The following PLXNA4 variants were observed in gnomAD, a reference collection of about 807,000 sequenced individuals.
The protein encoded by PLXNA4 is plexin A4, also known as plexin-A4.
In PLXNA4, 44 loss-of-function variants were observed where a neutral mutation model predicts 191.8. The observed-to-expected ratio is 0.23, with a 90% CI of 0.18 to 0.29. The LOEUF is 0.29. Among genes scored for constraint, PLXNA4 ranks in the 10% least tolerant of loss-of-function variants. PLXNA4 has a pLI of 1.00. For missense variants in PLXNA4, 1,800 were observed against 2,488.8 expected, an observed-to-expected ratio of 0.72 and a Z score of 5.89; for synonymous variants, 1,082 against 1,009.5, an observed-to-expected ratio of 1.07 and a Z score of -1.36.
intron 3 of PLXNA4, among the ~76,000 whole-genome samples, chr7:132,467,696 C>G (rs1418582514): frequency 6.6e-6 from 1 of 152,192 alleles, no homozygotes; most frequent in African/African-American, 2.4e-5. Flanking sequence ...AGACTCCCAG[C>G]CTATTCCCAT....
intron 2 of PLXNA4, among the ~76,000 whole-genome samples, chr7:132,643,737 A>G (rs1803798751): frequency 6.6e-6 from 1 of 152,070 alleles, no homozygotes; most frequent in Non-Finnish European, 1.5e-5. Context: ...TTGTTTGAGG[A>G]CAGGAGTTCA....
At chr7:132,307,512 G>A (rs28692971) in intron 3 of PLXNA4, among the ~76,000 whole-genome samples, 61,729 of 151,608 alleles carry the variant, frequency 0.41, 12,713 homozygotes, top group South Asian at 0.54. Flanking sequence ...AATCATCTTC[G>A]TGTTTCTTCA....
intron 3 of PLXNA4, among the ~76,000 whole-genome samples, chr7:132,451,740 G>A (rs889884232): frequency 6.6e-6 from 1 of 152,218 alleles, no homozygotes; most frequent in Non-Finnish European, 1.5e-5. Context: ...TCCAAAAAGA[G>A]AAGGCAGTGC....
chr7:132,499,438 C>G (rs1167548915), intron 2 of PLXNA4, among the ~76,000 whole-genome samples: 3 of 152,246 alleles, frequency 2.0e-5, no homozygotes, highest in Non-Finnish European at 4.4e-5. Flanking sequence ...ACAACCAAAA[C>G]CTACTGGGGT....
At chr7:132,422,673 G>A (rs1033821023) in intron 3 of PLXNA4, among the ~76,000 whole-genome samples, 27 of 152,336 alleles carry the variant, frequency 1.8e-4, no homozygotes, top group African/African-American at 6.0e-4. Flanking sequence ...CCAGTTGCCA[G>A]TTTATTGTCT....
chr7:132,208,342 G>T (rs1390695848), intron 10 of PLXNA4, among the ~76,000 whole-genome samples: 3 of 152,204 alleles, frequency 2.0e-5, no homozygotes, highest in African/African-American at 7.2e-5. Flanking sequence ...AAATGGTAGA[G>T]AAATCACCTC....
At chr7:132,188,340 A>G (rs1460150020) in intron 14 of PLXNA4, among the ~76,000 whole-genome samples, 1 of 152,222 alleles carries the variant, frequency 6.6e-6, no homozygotes, top group African/African-American at 2.4e-5. Flanking sequence ...TTTCATTAGC[A>G]TTTTAATGGA....
chr7:132,264,988 C>G (rs1426286256), intron 4 of PLXNA4, among the ~76,000 whole-genome samples: 7 of 152,184 alleles, frequency 4.6e-5, no homozygotes, highest in African/African-American at 1.7e-4. Flanking sequence ...GCCACTGCAC[C>G]CAGCCCTGTC....
intron 3 of PLXNA4, among the ~76,000 whole-genome samples, chr7:132,377,956 T>A (rs755984019): frequency 6.6e-6 from 1 of 152,080 alleles, no homozygotes; most frequent in African/African-American, 2.4e-5. Context: ...GGAGAGGCAA[T>A]GGATAGGGCT....
chr7:132,485,105 A>T (rs1797501014), intron 3 of PLXNA4: 1 of 1,546,846 alleles, frequency 6.5e-7, no homozygotes, highest in Admixed American at 1.9e-5. Context: ...CCCAATAAGA[A>T]TGGTTTTTGT....
intron 3 of PLXNA4, among the ~76,000 whole-genome samples, chr7:132,316,402 G>A (rs1801945806): frequency 6.6e-6 from 1 of 152,196 alleles, no homozygotes; most frequent in Non-Finnish European, 1.5e-5. Flanking sequence ...GAAAATGGTG[G>A]ACTTAGGAGG....
At chr7:132,341,011 C>T (rs1349236801) in intron 3 of PLXNA4, among the ~76,000 whole-genome samples, 1 of 152,108 alleles carries the variant, frequency 6.6e-6, no homozygotes, top group Non-Finnish European at 1.5e-5. Flanking sequence ...CCTGCAGAAC[C>T]CATAGCAGCT....
intron 4 of PLXNA4, among the ~76,000 whole-genome samples, chr7:132,269,505 T>C (rs574665755): frequency 6.6e-6 from 1 of 152,048 alleles, no homozygotes; most frequent in South Asian, 2.1e-4. Flanking sequence ...CCACATCAGC[T>C]CTCTTCAGAA....
At chr7:132,455,525 C>T (rs1476167205) in intron 3 of PLXNA4, among the ~76,000 whole-genome samples, 2 of 152,140 alleles carry the variant, frequency 1.3e-5, no homozygotes, top group South Asian at 4.2e-4. Context: ...CACACATATG[C>T]CTGCATGCAG....
intron 1 of PLXNA4, among the ~76,000 whole-genome samples, chr7:132,553,051 T>C (rs1168857672): frequency 6.6e-6 from 1 of 152,180 alleles, no homozygotes; most frequent in Non-Finnish European, 1.5e-5. Flanking sequence ...TTCCTAATTC[T>C]GGTTGCTGGA....
intron 2 of PLXNA4, among the ~76,000 whole-genome samples, chr7:132,586,836 G>A (rs1341208890): frequency 6.6e-6 from 1 of 152,128 alleles, no homozygotes; most frequent in Non-Finnish European, 1.5e-5. Flanking sequence ...TGAGGTGGGA[G>A]GATTGTTTGA....
chr7:132,647,281 T>C lies in PLXNA4; in HGVS notation c.-203+1233A>G, dbSNP rs554684649. 7.3e-3 allele frequency among the ~76,000 whole-genome samples: 1,087 copies of C among 149,600 alleles called. 11 individuals carry two copies. The highest frequency in any genetic ancestry group is 0.026 in the African/African-American group (1,044 of 40,582). On this transcript the variant is annotated intron_variant, in intron 1 of 4. Transcript: ENST00000378539. ...CATGCAGTCACACATATATATACAT[T>C]CACAAACCCACACTGTCATACATTC...
At chr7:132,372,146 C>T (rs144447114) in intron 3 of PLXNA4, among the ~76,000 whole-genome samples, 207 of 152,348 alleles carry the variant, frequency 1.4e-3, no homozygotes, top group African/African-American at 4.0e-3. Flanking sequence ...ATTTACATCA[C>T]GTGACCTGTC....
intron 3 of PLXNA4, among the ~76,000 whole-genome samples, chr7:132,345,463 T>C (rs1803208631): frequency 6.6e-6 from 1 of 152,214 alleles, no homozygotes; most frequent in Non-Finnish European, 1.5e-5. Flanking sequence ...AAAAACATGT[T>C]ACATCTCATC....
Sources: allele counts gnomAD v4.1 joint callset (sites outside exome capture counted in the v4.1 genomes callset), GRCh38; gene constraint gnomAD v4.1.1; transcripts MANE v1.5; gene names NCBI Gene and HGNC (gene_info 2026-07-23, HGNC 2026-07-21).